VTI1A: variants seen among roughly 807,000 people sequenced by gnomAD.
The protein encoded by VTI1A is vesicle transport through interaction with t-SNAREs 1A, also known as vesicle transport through interaction with t-SNAREs homolog 1A.
VTI1A carries 22 observed loss-of-function variants against 34.9 expected under a neutral mutation model. That is an observed-to-expected ratio of 0.63 (90% confidence interval 0.45 to 0.90). The LOEUF (loss-of-function observed/expected upper bound fraction) is 0.90. Ranked by LOEUF, VTI1A falls within the 40% of genes least tolerant of loss-of-function variation. The pLI is 0.00. For synonymous variants in VTI1A, 87 were observed against 97.3 expected, an observed-to-expected ratio of 0.89 and a Z score of 0.62; for missense variants, 268 against 275.6, an observed-to-expected ratio of 0.97 and a Z score of 0.20.
chr10:112,714,283 T>C (rs184000435), intron 7 of VTI1A, among the ~76,000 whole-genome samples: 82 of 152,316 alleles, frequency 5.4e-4, no homozygotes, highest in Admixed American at 1.6e-3. Flanking sequence ...CCATGCTCCG[T>C]TGGATCTCAG....
intron 5 of VTI1A, among the ~76,000 whole-genome samples, chr10:112,631,763 A>G (rs527937692): frequency 2.6e-5 from 4 of 152,318 alleles, no homozygotes; most frequent in South Asian, 4.1e-4. Flanking sequence ...CTGGAACAAA[A>G]GGTCTTCAGT....
chr10:112,522,270 A>G (rs1850052310), intron 3 of VTI1A, among the ~76,000 whole-genome samples: 2 of 152,066 alleles, frequency 1.3e-5, no homozygotes, highest in South Asian at 2.1e-4. Context: ...ACTGAAAGAC[A>G]TGTAGAAGCA....
At chr10:112,746,665 C>T (rs1205193816) in intron 7 of VTI1A, among the ~76,000 whole-genome samples, 4 of 152,152 alleles carry the variant, frequency 2.6e-5, no homozygotes, top group Non-Finnish European at 5.9e-5. Flanking sequence ...TGTTGAGGGT[C>T]CTAAGAGCAC....
At chr10:112,663,862 T>C (rs965654864) in intron 5 of VTI1A, among the ~76,000 whole-genome samples, 1 of 152,178 alleles carries the variant, frequency 6.6e-6, no homozygotes, top group Admixed American at 6.5e-5. Context: ...TTAGGAAATA[T>C]TACTTCAAGG....
At chr10:112,827,161 C>T in the VTI1A span, 1 of 152,210 alleles carries the variant, frequency 6.6e-6, no homozygotes, top group Admixed American at 6.5e-5. Context: ...AGAGCTGCTC[C>T]AGAGTGGGAT....
chr10:112,720,599 C>T (rs1849767837), intron 7 of VTI1A, among the ~76,000 whole-genome samples: 1 of 151,912 alleles, frequency 6.6e-6, no homozygotes, highest in African/African-American at 2.4e-5. Context: ...ACAAATATAT[C>T]TTCCTAAAGG....
At chr10:112,652,418 G>T (rs1590027963) in intron 5 of VTI1A, among the ~76,000 whole-genome samples, 1 of 152,168 alleles carries the variant, frequency 6.6e-6, no homozygotes, top group Non-Finnish European at 1.5e-5. Flanking sequence ...TGAGGACTCT[G>T]AGGGCAGAAC....
chr10:112,468,627 TCCTCTG>T lies in VTI1A; in HGVS notation c.264+3974_264+3979del, dbSNP rs532064726. Among the ~76,000 whole-genome samples, 738 of 152,316 alleles carry T rather than the reference TCCTCTG, an allele frequency of 4.8e-3. 5 individuals are homozygous for T. Among genetic ancestry groups the T allele is most frequent in the African/African-American group, 0.017 (694 of 41,572 alleles). On this transcript the variant is annotated intron_variant, in intron 3 of 7. Coordinates refer to ENST00000393077, the MANE Select transcript of VTI1A (RefSeq NM_145206.4). ...GCTTTCTTTCCCCAGCCGTTCCTTC[TCCTCTG>T]CCTACCCTTTGGATGCCTGGATCCT...
chr10:112,636,389 G>A (rs528782587), intron 5 of VTI1A, among the ~76,000 whole-genome samples: 1 of 152,244 alleles, frequency 6.6e-6, no homozygotes, highest in South Asian at 2.1e-4. Flanking sequence ...ATTGGATGGT[G>A]TGTTATGGGT....
chr10:112,654,775 C>G (rs2133808783), intron 5 of VTI1A, among the ~76,000 whole-genome samples: 1 of 152,300 alleles, frequency 6.6e-6, no homozygotes, highest in South Asian at 2.1e-4. Context: ...GCCACCGCGC[C>G]CGGCCCCATT....
chr10:112,633,305 C>T (rs899994715), intron 5 of VTI1A, among the ~76,000 whole-genome samples: 6 of 152,142 alleles, frequency 3.9e-5, no homozygotes, highest in African/African-American at 1.2e-4. Flanking sequence ...TTGAGTACTC[C>T]GCATGTGCCA....
intron 1 of VTI1A, chr10:112,448,384 C>T (rs1025510956): frequency 6.6e-6 from 1 of 152,142 alleles, no homozygotes; most frequent in African/African-American, 2.4e-5. Context: ...TGTTTTAGCA[C>T]ATCTTATTTT....
intron 7 of VTI1A, chr10:112,737,570 G>A (rs752733937): frequency 1.7e-5 from 18 of 1,048,426 alleles, no homozygotes; most frequent in Non-Finnish European, 1.8e-5. Flanking sequence ...CCCAGGGGGC[G>A]GCAGGGACAG....
chr10:112,743,013 CGTGTGTGTGTGTGTGTGTGTGT>C (rs10612255), intron 7 of VTI1A, among the ~76,000 whole-genome samples: 1 of 141,982 alleles, frequency 7.0e-6, no homozygotes, highest in South Asian at 2.4e-4. Context: ...GACCTATTCT[CGTGTGTGTGTGTGTGTGTGTGT>C]GTGTGTGTGT....
chr10:112,673,449 C>T (rs893801355), intron 7 of VTI1A, among the ~76,000 whole-genome samples: 1 of 132,608 alleles, frequency 7.5e-6, no homozygotes, highest in Non-Finnish European at 1.6e-5. Flanking sequence ...CCCATTCACA[C>T]ACATGCGCGC....
chr10:112,703,396 C>T (rs1849076596), intron 7 of VTI1A, among the ~76,000 whole-genome samples: 2 of 152,040 alleles, frequency 1.3e-5, no homozygotes, highest in South Asian at 4.1e-4. Flanking sequence ...GGAGAAACCC[C>T]ATCTCTACTA....
At chr10:112,585,773 T>C (rs754684594) in intron 5 of VTI1A, among the ~76,000 whole-genome samples, 1 of 151,148 alleles carries the variant, frequency 6.6e-6, no homozygotes, top group Non-Finnish European at 1.5e-5. Flanking sequence ...ACATAAACAG[T>C]ATTCCAAAAC....
chr10:112,805,594 A>G (rs1280889638), intron 7 of VTI1A, among the ~76,000 whole-genome samples: 1 of 152,228 alleles, frequency 6.6e-6, no homozygotes, highest in African/African-American at 2.4e-5. Context: ...TGCAAATGCA[A>G]TTAGTTAAGA....
chr10:112,780,131 A>AG (rs1852074560), intron 7 of VTI1A, among the ~76,000 whole-genome samples: 1 of 149,452 alleles, frequency 6.7e-6, no homozygotes, highest in East Asian at 2.0e-4. Flanking sequence ...AAAAAAAAAA[A>AG]GCAAAAATTA....
Sources: gnomAD v4.1 joint callset for allele counts (sites outside exome capture counted in the v4.1 genomes callset) on GRCh38, gnomAD v4.1.1 for gene constraint, MANE v1.5 for transcripts, NCBI Gene and HGNC (gene_info 2026-07-23, HGNC 2026-07-21) for gene names.